RBFOX1: variants seen among roughly 807,000 people sequenced by gnomAD.
The protein encoded by RBFOX1 is RNA binding protein fox-1 homolog 1.
RBFOX1 carries 8 observed loss-of-function variants against 57.7 expected under a neutral mutation model. The ratio of observed to expected loss-of-function variants is 0.14; its 90% CI spans 0.08 to 0.25. RBFOX1 has a LOEUF of 0.25. Among genes scored for constraint, RBFOX1 ranks in the 10% least tolerant of loss-of-function variants. The pLI, the probability that RBFOX1 is intolerant of heterozygous loss-of-function variation, is 1.00. For missense variants in RBFOX1, 611 were observed against 548.5 expected, an observed-to-expected ratio of 1.11 and a Z score of -1.14; for synonymous variants, 326 against 222.4, an observed-to-expected ratio of 1.47 and a Z score of -4.15.
chr16:6,817,310 C>T (rs2090292536), intron 3 of RBFOX1, among the ~76,000 whole-genome samples: 1 of 152,042 alleles, frequency 6.6e-6, no homozygotes, highest in Non-Finnish European at 1.5e-5. Context: ...TTAACCAAAG[C>T]CCCTCTCCCA....
chr16:7,284,686 T>C (rs1262446198), intron 4 of RBFOX1, among the ~76,000 whole-genome samples: 1 of 152,208 alleles, frequency 6.6e-6, no homozygotes, highest in African/African-American at 2.4e-5. Context: ...AGTGGTAGTT[T>C]CGGTGTTTAA....
chr16:7,657,821 C>T (rs965895468), intron 12 of RBFOX1, among the ~76,000 whole-genome samples: 1 of 152,082 alleles, frequency 6.6e-6, no homozygotes, highest in Non-Finnish European at 1.5e-5. Flanking sequence ...GTGGAAAACC[C>T]TGTACCAAAC....
chr16:5,781,388 T>A (rs2054319375), intron 3 of RBFOX1, among the ~76,000 whole-genome samples: 1 of 152,176 alleles, frequency 6.6e-6, no homozygotes, highest in South Asian at 2.1e-4. Flanking sequence ...GAGGTTTGGA[T>A]AGGACAGGGT....
intron 2 of RBFOX1, among the ~76,000 whole-genome samples, chr16:6,402,254 C>T (rs189087609): frequency 1.3e-5 from 2 of 152,120 alleles, no homozygotes; most frequent in East Asian, 3.8e-4. Context: ...TCCCCACCCA[C>T]TGGTCTCTGG....
intron 3 of RBFOX1, among the ~76,000 whole-genome samples, chr16:6,690,852 A>C (rs1373643635): frequency 6.7e-6 from 1 of 150,070 alleles, no homozygotes; most frequent in Non-Finnish European, 1.5e-5. Context: ...ACATTACTGA[A>C]TTTTTCCCCC....
chr16:7,335,513 C>A (rs1275876667), intron 4 of RBFOX1, among the ~76,000 whole-genome samples: 1 of 150,434 alleles, frequency 6.6e-6, no homozygotes, highest in Non-Finnish European at 1.5e-5. Context: ...AGAGTGCTCC[C>A]TTTTCATATT....
intron 2 of RBFOX1, among the ~76,000 whole-genome samples, chr16:5,489,278 A>G (rs2042747405): frequency 6.6e-6 from 1 of 152,234 alleles, no homozygotes; most frequent in Non-Finnish European, 1.5e-5. Flanking sequence ...TGAAGGGCAC[A>G]TGATGTGGGT....
At chr16:6,124,415 G>C (rs925165182) in intron 1 of RBFOX1, among the ~76,000 whole-genome samples, 6 of 152,090 alleles carry the variant, frequency 3.9e-5, no homozygotes, top group African/African-American at 1.4e-4. Context: ...ATGTAAATGA[G>C]CCTAAGATGA....
intron 1 of RBFOX1, among the ~76,000 whole-genome samples, chr16:6,026,625 G>C (rs1211183102): frequency 1.3e-5 from 2 of 152,230 alleles, no homozygotes; most frequent in African/African-American, 4.8e-5. Context: ...GAGCCCATTA[G>C]AGCCACAAAA....
chr16:7,029,717 G>C (rs1033221889), intron 3 of RBFOX1, among the ~76,000 whole-genome samples: 10 of 152,130 alleles, frequency 6.6e-5, no homozygotes, highest in African/African-American at 2.2e-4. Flanking sequence ...TTATAGGGTG[G>C]TAGCATCTCA....
At chr16:5,295,242 C>A (rs879440024) in intron 1 of RBFOX1, among the ~76,000 whole-genome samples, 4 of 152,098 alleles carry the variant, frequency 2.6e-5, no homozygotes, top group Admixed American at 2.0e-4. Flanking sequence ...ACAGGTCTCC[C>A]TGGGGAGACT....
At chr16:5,997,498 A>G (rs1397118333) in intron 4 of RBFOX1, among the ~76,000 whole-genome samples, 1 of 152,218 alleles carries the variant, frequency 6.6e-6, no homozygotes, top group East Asian at 1.9e-4. Flanking sequence ...TATGTGGCAG[A>G]TAATGTGGCA....
intron 3 of RBFOX1, among the ~76,000 whole-genome samples, chr16:5,831,623 G>A (rs1424823473): frequency 6.6e-6 from 1 of 151,874 alleles, no homozygotes; most frequent in African/African-American, 2.4e-5. Flanking sequence ...CTGAGTAGCT[G>A]GGGTTACAGG....
At chr16:7,673,508 A>T (rs908890246) in intron 13 of RBFOX1, among the ~76,000 whole-genome samples, 4 of 152,164 alleles carry the variant, frequency 2.6e-5, no homozygotes, top group Non-Finnish European at 5.9e-5. Context: ...GGAGTTTGAC[A>T]GCAGCCTAGG....
chr16:7,033,165 G>A (rs11648456), intron 3 of RBFOX1, among the ~76,000 whole-genome samples: 13,240 of 152,134 alleles, frequency 0.087, 943 homozygotes, highest in East Asian at 0.32. Context: ...ATGACGAGGC[G>A]GTAAAGGTGT....
intron 3 of RBFOX1, among the ~76,000 whole-genome samples, chr16:5,659,832 A>C (rs1181606747): frequency 1.3e-5 from 2 of 152,326 alleles, no homozygotes; most frequent in African/African-American, 4.8e-5. Flanking sequence ...GTATTTTCAC[A>C]TCACATTGCA....
Position 6,610,704 on chromosome 16 carries a change from T to A in RBFOX1, c.-63-43899T>A, listed in dbSNP as rs4786895. On this transcript the variant is annotated intron_variant, in intron 2 of 15. Coordinates refer to ENST00000550418, the MANE Select transcript of RBFOX1 (RefSeq NM_018723.4). ...GTGAAGAAACACTGAAAGATCAGAT[T>A]GCGAAGTGGTCTTGTTACTCAGCAG... 6.8e-3 allele frequency among the ~76,000 whole-genome samples: 1,029 copies of A among 152,272 alleles called. 27 individuals carry two copies. Among genetic ancestry groups the A allele is most frequent in the East Asian group, 0.065 (336 of 5,170 alleles).
intron 4 of RBFOX1, among the ~76,000 whole-genome samples, chr16:5,934,009 A>G (rs1040042851): frequency 1.3e-5 from 2 of 151,952 alleles, no homozygotes; most frequent in African/African-American, 4.8e-5. Context: ...ATGAGTTCTC[A>G]TCATTTAGCT....
chr16:7,411,427 A>G (rs984098971), intron 4 of RBFOX1, among the ~76,000 whole-genome samples: 2 of 152,132 alleles, frequency 1.3e-5, no homozygotes, highest in Non-Finnish European at 2.9e-5. Flanking sequence ...CAGAGAGGAG[A>G]CAGGGCCCTA....
Sources: gnomAD v4.1 joint callset for allele counts (sites outside exome capture counted in the v4.1 genomes callset) on GRCh38, gnomAD v4.1.1 for gene constraint, MANE v1.5 for transcripts, NCBI Gene and HGNC (gene_info 2026-07-23, HGNC 2026-07-21) for gene names.